Variants in ANXA8 observed in about 807,000 individuals in gnomAD.
ANXA8 encodes the protein VAC-beta.
ANXA8 carries 9 observed loss-of-function variants against 26.8 expected under a neutral mutation model. That is an observed-to-expected ratio of 0.34 (90% CI 0.20 to 0.59). The LOEUF is 0.59. Among genes scored for constraint, ANXA8 ranks in the 20% least tolerant of loss-of-function variants. ANXA8 has a pLI of 0.84. For synonymous variants in ANXA8, 39 were observed against 94.8 expected, an observed-to-expected ratio of 0.41 and a Z score of 3.42; for missense variants, 83 against 238.5, an observed-to-expected ratio of 0.35 and a Z score of 4.29.
At chr10:47,622,793 T>A in the ANXA8 span, among the ~76,000 whole-genome samples, 1 of 110,262 alleles carries the variant, frequency 9.1e-6, no homozygotes, top group Admixed American at 9.6e-5. Context: ...CACATTTTTA[T>A]ATGGCCACAG....
the ANXA8 span, among the ~76,000 whole-genome samples, chr10:47,665,358 G>A: frequency 3.3e-5 from 5 of 150,826 alleles, no homozygotes; most frequent in Non-Finnish European, 5.9e-5. Context: ...AGGAATGATT[G>A]TTACATCCGT....
the ANXA8 span, among the ~76,000 whole-genome samples, chr10:47,704,090 C>T: frequency 1.4e-5 from 2 of 140,406 alleles, no homozygotes; most frequent in Admixed American, 7.3e-5. Context: ...TGGATGAAAT[C>T]CTACATAGAA....
At chr10:47,710,316 C>T in the ANXA8 span, 1 of 1,183,532 alleles carries the variant, frequency 8.4e-7, no homozygotes, top group South Asian at 1.4e-5. Context: ...GAGACAGCCT[C>T]AGAGGGTGAA....
At chr10:47,683,196 A>G in the ANXA8 span, among the ~76,000 whole-genome samples, 1 of 150,880 alleles carries the variant, frequency 6.6e-6, no homozygotes, top group Non-Finnish European at 1.5e-5. Context: ...TATTTTAAAG[A>G]GTAAATTTAG....
the ANXA8 span, among the ~76,000 whole-genome samples, chr10:47,633,808 C>G: frequency 3.3e-5 from 5 of 150,428 alleles, no homozygotes; most frequent in African/African-American, 1.3e-4. Flanking sequence ...ATCCTACCCC[C>G]TGACATCCCC....
the ANXA8 span, among the ~76,000 whole-genome samples, chr10:47,735,483 G>T: frequency 9.4e-5 from 14 of 148,738 alleles, no homozygotes; most frequent in East Asian, 2.8e-3. Context: ...AAAGCTAATT[G>T]CTGCCAACAT....
the ANXA8 span, among the ~76,000 whole-genome samples, chr10:47,902,147 GT>G: frequency 6.6e-6 from 1 of 151,890 alleles, no homozygotes; most frequent in South Asian, 2.1e-4. Context: ...AATATCAAGT[GT>G]TTACCTAAGT....
At chr10:47,733,237 T>TTCTTTCTC in the ANXA8 span, among the ~76,000 whole-genome samples, 204 of 55,846 alleles carry the variant, frequency 3.7e-3, 2 homozygotes, top group African/African-American at 0.012. Flanking sequence ...CTTTCTCTCT[T>TTCTTTCTC]TCTTTCTTTC....
At chr10:47,628,408 T>G in the ANXA8 span, among the ~76,000 whole-genome samples, 4 of 151,354 alleles carry the variant, frequency 2.6e-5, no homozygotes, top group African/African-American at 7.3e-5. Context: ...TCACAATACT[T>G]CAACATAAAT....
chr10:47,681,523 C>CTTTT, the ANXA8 span, among the ~76,000 whole-genome samples: 12 of 81,266 alleles, frequency 1.5e-4, no homozygotes, highest in East Asian at 1.6e-3. Context: ...TTTATTTTTA[C>CTTTT]TTTTTTTTTT....
At chr10:47,502,042 C>G in the ANXA8 span, 1 of 1,514,402 alleles carries the variant, frequency 6.6e-7, no homozygotes, top group Non-Finnish European at 9.0e-7. Context: ...TTTGTTTTTG[C>G]ACCAAGGAGA....
At chr10:47,493,061 T>TA in the ANXA8 span, among the ~76,000 whole-genome samples, 1 of 151,260 alleles carries the variant, frequency 6.6e-6, no homozygotes, top group African/African-American at 2.4e-5. Flanking sequence ...GGACAGTGGG[T>TA]ATCGTGGGCA....
the ANXA8 span, among the ~76,000 whole-genome samples, chr10:47,684,979 A>T: frequency 6.6e-6 from 1 of 150,476 alleles, no homozygotes; most frequent in East Asian, 2.0e-4. Context: ...GTTGTGGCCC[A>T]GGGAAGCCAA....
chr10:47,543,707 G>A, the ANXA8 span: 1 of 641,152 alleles, frequency 1.6e-6, no homozygotes, highest in South Asian at 1.9e-5. Flanking sequence ...GAATGCCAAA[G>A]TTCCTATACC....
the ANXA8 span, among the ~76,000 whole-genome samples, chr10:47,694,312 A>T: frequency 6.6e-6 from 1 of 150,968 alleles, no homozygotes; most frequent in African/African-American, 2.5e-5. Flanking sequence ...TGGGAAAAAA[A>T]AGAAATCTAC....
the ANXA8 span, among the ~76,000 whole-genome samples, chr10:47,940,700 G>A: frequency 1.4e-5 from 2 of 146,974 alleles, no homozygotes; most frequent in South Asian, 2.1e-4. Flanking sequence ...GTGGTGGTGG[G>A]CGTCTGTAAT....
the ANXA8 span, among the ~76,000 whole-genome samples, chr10:47,939,024 A>AC: frequency 2.8e-5 from 4 of 144,368 alleles, no homozygotes; most frequent in Non-Finnish European, 4.5e-5. Context: ...GCCAAGCCCC[A>AC]CAAGAGTGTT....
At chr10:47,888,980 ATATGTG>A in the ANXA8 span, among the ~76,000 whole-genome samples, 20 of 64,206 alleles carry the variant, frequency 3.1e-4, 1 homozygote, top group African/African-American at 9.0e-4. Flanking sequence ...AATATAATAT[ATATGTG>A]TGTGTGTGTG....
the ANXA8 span, among the ~76,000 whole-genome samples, chr10:47,776,097 G>C: frequency 1.3e-5 from 2 of 152,106 alleles, no homozygotes; most frequent in Non-Finnish European, 1.5e-5. Flanking sequence ...GCAGAGCACA[G>C]TCAGGAGGAA....
Sources: allele counts gnomAD v4.1 joint callset (sites outside exome capture counted in the v4.1 genomes callset), GRCh38; gene constraint gnomAD v4.1.1; transcripts MANE v1.5; gene names NCBI Gene and HGNC (gene_info 2026-07-23, HGNC 2026-07-21).